Variants in CRNKL1 observed in about 807,000 individuals in gnomAD.
The protein encoded by CRNKL1 is crooked neck pre-mRNA splicing factor 1, also known as crooked neck-like protein 1.
CRNKL1 carries 35 observed loss-of-function variants against 103.7 expected under a neutral mutation model. The ratio of observed to expected loss-of-function variants is 0.34; its 90% CI spans 0.26 to 0.45. CRNKL1 has a LOEUF of 0.45. CRNKL1 is among the 20% of genes least tolerant of loss of function. The pLI is 1.00. For missense variants in CRNKL1, 645 were observed against 836.0 expected (o/e 0.77, Z 2.82); for synonymous variants, 267 against 282.6 (o/e 0.94, Z 0.55).
chr20:20,034,404 A>AGTT lies in CRNKL1; in HGVS notation c.*1788_*1790dup, dbSNP rs1332305036. 6.6e-6 allele frequency: 1 copy of AGTT among 152,112 alleles called. No homozygotes were observed. Among genetic ancestry groups the AGTT allele is most frequent in the Non-Finnish European group, 1.5e-5 (1 of 68,030 alleles). 9.4% of individuals were successfully genotyped at this position (152,112 alleles called of 1,614,324 possible). On this transcript the variant is annotated 3_prime_UTR_variant, in exon 14 of 14. Coordinates refer to ENST00000536226, the MANE Select transcript of CRNKL1 (RefSeq NM_001278628.2). ...CTATCGAAAGGATTTACTTTGGTGG[A>AGTT]GTTGAGGGTGGGAGAGAAATGAATC...
intron 5 of CRNKL1, among the ~76,000 whole-genome samples, chr20:20,045,997 CTAA>C (rs1255570457): frequency 1.3e-5 from 2 of 152,010 alleles, no homozygotes; most frequent in African/African-American, 4.8e-5. Flanking sequence ...AATACTTGAA[CTAA>C]TAATTAAGAA....
upstream of CRNKL1, chr20:20,052,878 C>G (rs1339831664): frequency 1.6e-5 from 11 of 684,006 alleles, no homozygotes; most frequent in Non-Finnish European, 2.7e-5. Context: ...GTCTCTGGGT[C>G]CACGCCCCCT....
In CRNKL1 at chr20:20,048,461, G is replaced by T. The variant is rs199698864; in HGVS notation, c.337C>A (p.Arg113=). ...IYERALDVDY[R]NITLWLKYAE... is the part of the protein sequence containing the mutation. ...TATTTCAGCCAGAGTGTAATATTTC[G>T]GTAGTCTACATCTAAAGCACGCTCG... Residue 113 remains arginine, a synonymous_variant, in exon 4 of 14, where the codon CGA becomes AGA. Coordinates refer to ENST00000536226, the MANE Select transcript of CRNKL1 (RefSeq NM_001278628.2). 4 of 1,614,066 alleles carry T rather than the reference G, an allele frequency of 2.5e-6. No homozygotes were observed. The East Asian group carries it at 6.7e-5, about 27-fold the overall frequency.
At chr20:20,051,234 A>T (rs1312077677) in intron 1 of CRNKL1, among the ~76,000 whole-genome samples, 1 of 152,252 alleles carries the variant, frequency 6.6e-6, no homozygotes, top group Non-Finnish European at 1.5e-5. Context: ...TTGGTTTTGA[A>T]GATGAAGTAT....
chr20:20,050,157 T>C lies in CRNKL1; in HGVS notation c.204+313A>G, dbSNP rs542314033. Among the ~76,000 whole-genome samples the C allele has an allele frequency of 1.2e-3, 187 of 152,344 alleles. 1 individual carries two copies. Among genetic ancestry groups the C allele is most frequent in the Non-Finnish European group, 2.2e-3 (150 of 68,030 alleles). On this transcript the variant is annotated intron_variant, in intron 2 of 13. Coordinates refer to ENST00000536226, the MANE Select transcript of CRNKL1 (RefSeq NM_001278628.2). ...ACACAGAAGGTGGTATAGACAGAAG[T>C]ACACAGTGCAGCCTTACTAAGCATA...
chr20:20,045,237 T>A, intron 6 of CRNKL1, 71 bp downstream of exon 6: 2 of 1,288,388 alleles, frequency 1.6e-6, no homozygotes, highest in Non-Finnish European at 2.1e-6. Flanking sequence ...AAAATGGAAA[T>A]GAACTCACCA....
chr20:20,047,865 G>A lies in CRNKL1; in HGVS notation c.522C>T (p.Arg174=). The A allele has an allele frequency of 1.2e-6, 2 of 1,614,234 alleles. No individual in the cohort carries two copies. The highest frequency in any genetic ancestry group is 1.1e-5 in the South Asian group (1 of 91,090). The change falls in exon 5 of 14, where the codon CGC becomes CGT. Residue 174 remains arginine, a synonymous_variant. Transcript: ENST00000536226. ...GCTCCTCAGGCTGCCACTCCATCCA[G>A]CGCTCAAACACCTGCCGGGCACCGG... ...NVAGARQVFE[R]WMEWQPEEQA... is the part of the protein sequence containing the mutation.
At position 20,052,285 on chromosome 20, in the gene CRNKL1, C is replaced by T. The variant is rs2043779900; in HGVS notation, c.51+7G>A. On this transcript the variant is annotated splice_region_variant and intron_variant, in intron 1 of 13. Transcript: ENST00000536226. ...CACCTCCTACAAGGCCCCTCGCGAT[C>T]GCCTACCTTGGCCACTTTGGGAATC... 1.9e-6 allele frequency: 3 copies of T among 1,605,452 alleles called. No homozygotes were observed. Among genetic ancestry groups the T allele is most frequent in the Middle Eastern group, 1.7e-4 (1 of 5,902 alleles).
chr20:20,053,322 T>C (rs6136927), upstream of CRNKL1, among the ~76,000 whole-genome samples: 21,513 of 152,196 alleles, frequency 0.14, 1,659 homozygotes, highest in East Asian at 0.22. Flanking sequence ...CACAGCTTCC[T>C]GCTATCAATT....
At position 20,039,443 on chromosome 20, in the gene CRNKL1, CT is replaced by C. The variant is rs754816785; in HGVS notation, c.1545+165del. Among the ~76,000 whole-genome samples the C allele has an allele frequency of 3.9e-5, 6 of 152,314 alleles. No individual in the cohort carries two copies. The East Asian group carries it at 7.7e-4, about 20-fold the overall frequency. On this transcript the variant is annotated intron_variant, in intron 11 of 13. Coordinates refer to ENST00000536226, the MANE Select transcript of CRNKL1 (RefSeq NM_001278628.2). ...GTATCTAATGAGAGGGCTACTTCCCCTGTCCCCCACAGCCACCTTTCCACGT... is the reference window on the plus strand; with the variant it reads ...GTATCTAATGAGAGGGCTACTTCCCCGTCCCCCACAGCCACCTTTCCACGT...
Position 20,040,668 on chromosome 20 carries a change from G to C in CRNKL1, c.1305+18C>G. The C allele has an allele frequency of 6.3e-7, 1 of 1,577,656 alleles. No homozygotes were observed. ...CTCATAGAACTTGATGAGACATCTT[G>C]ATCCTTTCTTTACTTACCAATGCTC... On this transcript the variant is annotated intron_variant, in intron 10 of 13. Transcript: ENST00000536226.
intron 3 of CRNKL1, 65 bp downstream of exon 3, chr20:20,049,275 T>A (rs2043645800): frequency 1.0e-6 from 1 of 964,878 alleles, no homozygotes; most frequent in Admixed American, 2.5e-5. Flanking sequence ...TTTTTCTTCT[T>A]TTCTTTTTGG....
rs1360779175 is a variant in CRNKL1 at position 20,050,748 on chromosome 20, A to T, written c.52-126T>A. The T allele has an allele frequency of 5.4e-6, 4 of 747,424 alleles. No homozygotes were observed. In the East Asian group the frequency reaches 1.1e-4, roughly 21 times the overall value. 46.3% of individuals were successfully genotyped at this position (747,424 alleles called of 1,614,324 possible). A position where few individuals can be genotyped will look rare whatever the true frequency, so the allele number is the denominator to read the frequency against. Reference sequence around the variant, plus strand: ...TCACAAGATGCCCTTTTTGTATGACATGTTCCCATTCCTCCATGAGACTGA... The same window carrying T: ...TCACAAGATGCCCTTTTTGTATGACTTGTTCCCATTCCTCCATGAGACTGA... On this transcript the variant is annotated intron_variant, in intron 1 of 13. Coordinates refer to ENST00000536226, the MANE Select transcript of CRNKL1 (RefSeq NM_001278628.2).
In CRNKL1 at chr20:20,034,746, A is replaced by AAAAC. The variant is rs1335653783; in HGVS notation, c.*1445_*1448dup. ...TCCAGTGACTAAAGCAGTCAGGCTG[A>AAAAC]AAACAGATTTTATCTCAACAACAGT... On this transcript the variant is annotated 3_prime_UTR_variant, in exon 14 of 14. Transcript: ENST00000536226. 3 of 152,264 alleles carry AAAAC rather than the reference A, an allele frequency of 2.0e-5. No individual in the cohort carries two copies. Among genetic ancestry groups the AAAAC allele is most frequent in the East Asian group, 1.9e-4 (1 of 5,200 alleles). 9.4% of individuals were successfully genotyped at this position (152,264 alleles called of 1,614,324 possible).
intron 2 of CRNKL1, 46 bp downstream of exon 2, chr20:20,050,424 T>C (rs903741709): frequency 5.7e-6 from 9 of 1,570,642 alleles, no homozygotes; most frequent in Non-Finnish European, 7.8e-6. Flanking sequence ...AACTGACCGA[T>C]ACAGTCTTAA....
chr20:20,053,013 A>G (rs1240422612), upstream of CRNKL1, among the ~76,000 whole-genome samples: 1 of 152,202 alleles, frequency 6.6e-6, no homozygotes, highest in African/African-American at 2.4e-5. Flanking sequence ...AAATATAAAT[A>G]GAGTAACTGG....
chr20:20,046,759 C>T (rs1237463371), intron 5 of CRNKL1, among the ~76,000 whole-genome samples: 2 of 152,234 alleles, frequency 1.3e-5, no homozygotes, highest in Admixed American at 6.5e-5. Flanking sequence ...CTGGCCCTTC[C>T]TGTCTCCAAG....
At position 20,034,599 on chromosome 20, in the gene CRNKL1, A is replaced by ATTAATTATT. The variant is rs1555819442; in HGVS notation, c.*1595_*1596insAATAATTAA. 3.3e-5 allele frequency: 5 copies of ATTAATTATT among 152,000 alleles called. No homozygotes were observed. The highest frequency in any genetic ancestry group is 4.4e-5 in the Non-Finnish European group (3 of 68,000). 9.4% of individuals were successfully genotyped at this position (152,000 alleles called of 1,614,324 possible). A position where few individuals can be genotyped will look rare whatever the true frequency, so the allele number is the denominator to read the frequency against. ...GATTAAGTCACTTGCATTCTGACCT[A>ATTAATTATT]TTATTTTCATCTCTCCCTGACTCTG... is the stretch of plus-strand genomic sequence containing the variant. On this transcript the variant is annotated 3_prime_UTR_variant, in exon 14 of 14. Transcript: ENST00000536226.
Position 20,034,497 on chromosome 20 carries a change from A to G in CRNKL1, c.*1698T>C, listed in dbSNP as rs907186163. 7.9e-5 allele frequency: 12 copies of G among 152,320 alleles called. No homozygotes were observed. In the East Asian group the frequency reaches 9.7e-4, roughly 12 times the overall value. 9.4% of individuals were successfully genotyped at this position (152,320 alleles called of 1,614,324 possible). A position where few individuals can be genotyped will look rare whatever the true frequency, so the allele number is the denominator to read the frequency against. ...TTCACACTGGCACATGCTTATTACA[A>G]TTCTACCTTGGGAACATGACAGAAT... On this transcript the variant is annotated 3_prime_UTR_variant, in exon 14 of 14. Transcript: ENST00000536226.
Sources: allele counts gnomAD v4.1 joint callset (sites outside exome capture counted in the v4.1 genomes callset), GRCh38; gene constraint gnomAD v4.1.1; transcripts MANE v1.5; gene names NCBI Gene and HGNC (gene_info 2026-07-23, HGNC 2026-07-21).